The following ATG10 variants were observed in gnomAD, a reference collection of about 807,000 sequenced individuals.
ATG10 encodes the protein ubiquitin-like-conjugating enzyme ATG10.
In ATG10, 30 loss-of-function variants were observed where a neutral mutation model predicts 32.1. That is an observed-to-expected ratio of 0.94 (90% CI 0.70 to 1.27). The LOEUF is 1.27. Ranked by LOEUF, ATG10 falls within the 50% of genes most tolerant of loss-of-function variation. The pLI is 0.00. For missense variants in ATG10, 233 were observed against 262.3 expected (o/e 0.89, Z 0.77); for synonymous variants, 87 against 91.5 (o/e 0.95, Z 0.28).
intron 3 of ATG10, among the ~76,000 whole-genome samples, chr5:82,062,866 C>G (rs991030646): frequency 2.6e-5 from 4 of 152,254 alleles, no homozygotes; most frequent in African/African-American, 9.6e-5. Context: ...ATTTGAACTA[C>G]ATATATAATG....
At chr5:82,017,548 A>G (rs1442759749) in intron 2 of ATG10, among the ~76,000 whole-genome samples, 1 of 152,192 alleles carries the variant, frequency 6.6e-6, no homozygotes, top group African/African-American at 2.4e-5. Flanking sequence ...GGTTTGTCAT[A>G]GATGGCTTTT....
At chr5:82,078,375 C>T (rs1005874242) in intron 3 of ATG10, 4 of 152,198 alleles carry the variant, frequency 2.6e-5, no homozygotes, top group Non-Finnish European at 4.4e-5. Context: ...TGTAACACTC[C>T]TATAGGAAAA....
chr5:82,151,943 A>G (rs560555977), intron 3 of ATG10, among the ~76,000 whole-genome samples: 1 of 152,280 alleles, frequency 6.6e-6, no homozygotes, highest in South Asian at 2.1e-4. Context: ...GATCTTTCTC[A>G]TCTGTTGCAG....
intron 3 of ATG10, among the ~76,000 whole-genome samples, chr5:82,129,864 C>G (rs1401704432): frequency 6.6e-6 from 1 of 152,100 alleles, no homozygotes; most frequent in Non-Finnish European, 1.5e-5. Context: ...TGGCAGAGCT[C>G]AAGGGCTGCT....
At chr5:82,024,181 T>A (rs1212569041) in intron 2 of ATG10, among the ~76,000 whole-genome samples, 1 of 152,208 alleles carries the variant, frequency 6.6e-6, no homozygotes, top group Non-Finnish European at 1.5e-5. Context: ...TAGAAGTGTA[T>A]AGATGGCAGA....
chr5:82,014,588 C>T (rs1762226183), intron 2 of ATG10, among the ~76,000 whole-genome samples: 1 of 152,066 alleles, frequency 6.6e-6, no homozygotes, highest in Admixed American at 6.5e-5. Flanking sequence ...ATGTAATGTC[C>T]TTCTTTGTCT....
chr5:82,081,569 G>A (rs563702186), intron 3 of ATG10, among the ~76,000 whole-genome samples: 2 of 152,280 alleles, frequency 1.3e-5, no homozygotes, highest in African/African-American at 2.4e-5. Flanking sequence ...TTAGCATGAA[G>A]GCTGTTGAAT....
At chr5:82,239,865 A>G (rs1423086051) in intron 5 of ATG10, among the ~76,000 whole-genome samples, 2 of 152,192 alleles carry the variant, frequency 1.3e-5, no homozygotes, top group Non-Finnish European at 2.9e-5. Context: ...AAAGATCTGA[A>G]TAGACATTTT....
At chr5:82,235,984 G>C (rs750155421) in intron 5 of ATG10, among the ~76,000 whole-genome samples, 2 of 152,110 alleles carry the variant, frequency 1.3e-5, no homozygotes, top group South Asian at 4.2e-4. Context: ...TTTGGCTGTT[G>C]ACTCTAATAA....
intron 2 of ATG10, among the ~76,000 whole-genome samples, chr5:82,007,282 C>T (rs1348803263): frequency 6.6e-6 from 1 of 152,124 alleles, no homozygotes; most frequent in Admixed American, 6.5e-5. Context: ...TAGCCTCGTT[C>T]TATTAGGAGA....
chr5:82,243,159 G>A (rs899833401), intron 5 of ATG10, among the ~76,000 whole-genome samples: 2 of 151,940 alleles, frequency 1.3e-5, no homozygotes, highest in Non-Finnish European at 2.9e-5. Context: ...TTAATAGTAT[G>A]TAATTTTTCA....
chr5:82,030,206 C>T lies in ATG10; in HGVS notation c.109-28289C>T, dbSNP rs79413773. ...TTCATCGCAGTTGTTTGTGGGAAAGCTGAAGAATATGGTCTGATCTTAAAA... is the reference window on the plus strand; with the variant it reads ...TTCATCGCAGTTGTTTGTGGGAAAGTTGAAGAATATGGTCTGATCTTAAAA... On this transcript the variant is annotated intron_variant, in intron 2 of 7. Transcript: ENST00000282185. Among the ~76,000 whole-genome samples the T allele has an allele frequency of 1.8e-3, 279 of 152,232 alleles. 1 individual carries two copies. Among genetic ancestry groups the T allele is most frequent in the Non-Finnish European group, 3.1e-3 (210 of 68,018 alleles).
intron 2 of ATG10, among the ~76,000 whole-genome samples, chr5:82,045,306 C>G (rs1345513085): frequency 2.0e-5 from 3 of 152,040 alleles, no homozygotes; most frequent in Admixed American, 1.3e-4. Context: ...TCAACAAATA[C>G]AATTTTAGGT....
chr5:82,110,885 G>C (rs1765598225), intron 3 of ATG10, among the ~76,000 whole-genome samples: 1 of 151,832 alleles, frequency 6.6e-6, no homozygotes, highest in African/African-American at 2.4e-5. Flanking sequence ...TTTATAAAAA[G>C]GAAAAGAAAC....
At chr5:82,235,530 C>T (rs1746520119) in intron 5 of ATG10, among the ~76,000 whole-genome samples, 1 of 151,930 alleles carries the variant, frequency 6.6e-6, no homozygotes, top group African/African-American at 2.4e-5. Context: ...TTGTTTTTTC[C>T]ATTGACATGG....
At chr5:82,095,189 T>C (rs1027493788) in intron 3 of ATG10, among the ~76,000 whole-genome samples, 2 of 152,152 alleles carry the variant, frequency 1.3e-5, no homozygotes, top group Non-Finnish European at 1.5e-5. Flanking sequence ...AGATAAAACC[T>C]GTAATTTGTT....
chr5:82,080,390 G>T (rs1185156517), intron 3 of ATG10, among the ~76,000 whole-genome samples: 9 of 152,210 alleles, frequency 5.9e-5, no homozygotes, highest in African/African-American at 1.2e-4. Context: ...GTCTATTTTG[G>T]CTTTTGTTGC....
intron 5 of ATG10, among the ~76,000 whole-genome samples, chr5:82,217,799 C>A (rs1368623980): frequency 6.7e-6 from 1 of 149,298 alleles, no homozygotes; most frequent in Non-Finnish European, 1.5e-5. Context: ...ATAACAAGAC[C>A]CCCTCTCTAC....
intron 3 of ATG10, among the ~76,000 whole-genome samples, chr5:82,097,822 G>A (rs1225464942): frequency 6.6e-6 from 1 of 152,316 alleles, no homozygotes; most frequent in East Asian, 1.9e-4. Context: ...GTGTCTGAAA[G>A]AAATAATTCA....
Sources: allele counts gnomAD v4.1 joint callset (sites outside exome capture counted in the v4.1 genomes callset), GRCh38; gene constraint gnomAD v4.1.1; transcripts MANE v1.5; gene names NCBI Gene and HGNC (gene_info 2026-07-23, HGNC 2026-07-21).